ALK: variants seen among roughly 807,000 people sequenced by gnomAD.
The protein encoded by ALK is ALK receptor tyrosine kinase.
In ALK, 74 loss-of-function variants were observed where a neutral mutation model predicts 163.1. The ratio of observed to expected loss-of-function variants is 0.45; its 90% CI spans 0.38 to 0.55. ALK has a LOEUF of 0.55. Among genes scored for constraint, ALK ranks in the 20% least tolerant of loss-of-function variants. The pLI is 0.00. For synonymous variants in ALK, 960 were observed against 843.2 expected, an observed-to-expected ratio of 1.14 and a Z score of -2.40; for missense variants, 2,063 against 2,105.3, an observed-to-expected ratio of 0.98 and a Z score of 0.39.
chr2:29,537,980 T>C (rs1407353767), intron 3 of ALK, among the ~76,000 whole-genome samples: 1 of 152,244 alleles, frequency 6.6e-6, no homozygotes, highest in Non-Finnish European at 1.5e-5. Context: ...TTCTCCACTT[T>C]GGAACAAGAA....
chr2:29,575,801 T>A (rs1304858960), intron 3 of ALK, among the ~76,000 whole-genome samples: 1 of 152,220 alleles, frequency 6.6e-6, no homozygotes, highest in Non-Finnish European at 1.5e-5. Context: ...TGCAGTGCTG[T>A]GGCCCCAGCA....
At chr2:29,207,072 T>G in intron 26 of ALK, 99 bp downstream of exon 26, 1 of 894,282 alleles carries the variant, frequency 1.1e-6, no homozygotes, top group South Asian at 1.3e-5. Context: ...TTTCCCTCCC[T>G]ACTAACACAC....
chr2:29,779,029 G>A (rs770185143), intron 1 of ALK, among the ~76,000 whole-genome samples: 20 of 152,106 alleles, frequency 1.3e-4, no homozygotes, highest in Non-Finnish European at 2.4e-4. Flanking sequence ...GGTGGCGGGC[G>A]CCTGTAGTCC....
rs1165577510 is a variant in ALK at position 29,920,365 on chromosome 2, G to A, written c.295C>T (p.Leu99Phe). The A allele has an allele frequency of 1.9e-6, 3 of 1,555,742 alleles. No individual in the cohort carries two copies. The highest frequency in any genetic ancestry group is 2.4e-5 in the East Asian group (1 of 41,318). ...CCCGGCGCCGGCCCCAGCAACCTGA[G>A]CAGCGGGGCGCAGTCCAGAGCTAGC... is the stretch of plus-strand genomic sequence containing the variant. Reference protein sequence around the residue: ...GSLALDCAPLLRLLGPAPGVS... With the variant: ...GSLALDCAPLFRLLGPAPGVS... The change falls in exon 1 of 29, where the codon CTC becomes TTC. Residue 99 changes from leucine to phenylalanine, a missense_variant. Physicochemically the swap from Leu to Phe is conservative, Grantham distance 22 (BLOSUM62 0). Around this residue, in one of 5 missense-constraint regions of ALK, gnomAD observed 987 missense variants for 939.5 expected, o/e 1.05. Coordinates refer to ENST00000389048, the MANE Select transcript of ALK (RefSeq NM_004304.5).
At chr2:29,672,225 T>C (rs1677719168) in intron 3 of ALK, among the ~76,000 whole-genome samples, 2 of 152,008 alleles carry the variant, frequency 1.3e-5, no homozygotes, top group African/African-American at 4.8e-5. Context: ...GTGCACATTG[T>C]GCAGGTTAGT....
In ALK at chr2:29,891,495, A is replaced by G. The variant is rs987570007; in HGVS notation, c.667+28498T>C. 3.3e-5 allele frequency among the ~76,000 whole-genome samples: 5 copies of G among 152,326 alleles called. No homozygotes were observed. The South Asian group carries it at 1.0e-3, about 32-fold the overall frequency. The stretch of plus-strand genomic sequence containing the variant: ...CAAGCACTTCAGATGCCTTCTCTAC[A>G]CTTGTAAAATCATCATGGTCATAGA... On this transcript the variant is annotated intron_variant, in intron 1 of 28. Coordinates refer to ENST00000389048, the MANE Select transcript of ALK (RefSeq NM_004304.5).
At chr2:29,678,966 A>C (rs1407009387) in intron 3 of ALK, among the ~76,000 whole-genome samples, 5 of 151,796 alleles carry the variant, frequency 3.3e-5, no homozygotes, top group African/African-American at 9.7e-5. Flanking sequence ...TTTGGGAGTT[A>C]TTGAAATCTC....
Position 29,726,415 on chromosome 2 carries a change from C to T in ALK, c.668-8718G>A, listed in dbSNP as rs984778221. ...CACTAAATAATTAATATACTGAAAG[C>T]GATACAAAGACACAAAGACACAAAG... is the stretch of plus-strand genomic sequence containing the variant. On this transcript the variant is annotated intron_variant, in intron 1 of 28. Coordinates refer to ENST00000389048, the MANE Select transcript of ALK (RefSeq NM_004304.5). Among the ~76,000 whole-genome samples the T allele has an allele frequency of 2.6e-5, 4 of 152,224 alleles. 1 individual carries two copies. The highest frequency in any genetic ancestry group is 6.8e-3 in the Middle Eastern group (2 of 294).
At position 29,920,450 on chromosome 2, in the gene ALK, G is replaced by A. The variant is rs1572503722; in HGVS notation, c.210C>T (p.Asp70=). 6.2e-7 allele frequency: 1 copy of A among 1,611,086 alleles called. No individual in the cohort carries two copies. Among genetic ancestry groups the A allele is most frequent in the Non-Finnish European group, 8.5e-7 (1 of 1,178,966 alleles). ...VPSLFRVYAR[D]LLLPPSSSEL... is the part of the protein sequence containing the mutation. ...CCGAGGAGGATGGTGGCAGCAGTAG[G>A]TCCCGGGCGTAGACACGGAAGAGCG... The change falls in exon 1 of 29, where the codon GAC becomes GAT. Residue 70 remains aspartate, a synonymous_variant. Transcript: ENST00000389048.
intron 4 of ALK, among the ~76,000 whole-genome samples, chr2:29,431,735 C>T (rs144743734): frequency 1.1e-4 from 16 of 152,216 alleles, no homozygotes; most frequent in African/African-American, 3.9e-4. Flanking sequence ...TGGGGTTCCA[C>T]AAAGCTCCTG....
chr2:29,739,372 A>G (rs1001591672), intron 1 of ALK, among the ~76,000 whole-genome samples: 1 of 151,448 alleles, frequency 6.6e-6, no homozygotes, highest in African/African-American at 2.4e-5. Flanking sequence ...ATCCTGGCCA[A>G]CTTTGTGAAA....
At position 29,197,694 on chromosome 2, in the gene ALK, G is replaced by A. The variant is rs1213805336; in HGVS notation, c.3939-18C>T. 6.2e-7 allele frequency: 1 copy of A among 1,608,556 alleles called. No homozygotes were observed. Among genetic ancestry groups the A allele is most frequent in the Non-Finnish European group, 8.5e-7 (1 of 1,175,446 alleles). On this transcript the variant is annotated intron_variant, in intron 26 of 28. Coordinates refer to ENST00000389048, the MANE Select transcript of ALK (RefSeq NM_004304.5). ...CAAAGGACCTGGGCATGGGACAGAG[G>A]ACATGGAGATGGATATAGACACACC...
At chr2:29,494,106 AGATGTGTGGCTTAGATCCACCAATGT>A (rs1671966957) in intron 4 of ALK, among the ~76,000 whole-genome samples, 2 of 152,236 alleles carry the variant, frequency 1.3e-5, no homozygotes, top group Non-Finnish European at 2.9e-5. Context: ...TGGGAGGCTT[AGATGTGTGGCTTAGATCCACCAATGT>A]GATGGGTGGC....
intron 3 of ALK, among the ~76,000 whole-genome samples, chr2:29,648,237 A>G (rs1460140430): frequency 6.6e-6 from 1 of 152,158 alleles, no homozygotes; most frequent in African/African-American, 2.4e-5. Context: ...AATAATTTGA[A>G]AAATCAGTTA....
intron 26 of ALK, among the ~76,000 whole-genome samples, chr2:29,206,917 G>T (rs895069006): frequency 1.3e-5 from 2 of 152,194 alleles, no homozygotes; most frequent in Admixed American, 1.3e-4. Flanking sequence ...TGTTAGAAAT[G>T]CAAATTCTCA....
chr2:29,360,485 T>C (rs1047599103), intron 5 of ALK, among the ~76,000 whole-genome samples: 3 of 152,218 alleles, frequency 2.0e-5, no homozygotes, highest in African/African-American at 7.2e-5. Context: ...ACAAGGCTCG[T>C]CCTGCCCACG....
chr2:29,350,270 T>C (rs1573267365), intron 5 of ALK, among the ~76,000 whole-genome samples: 1 of 152,256 alleles, frequency 6.6e-6, no homozygotes, highest in South Asian at 2.1e-4. Flanking sequence ...GAAAATCTTG[T>C]GAATGTGAAG....
intron 4 of ALK, among the ~76,000 whole-genome samples, chr2:29,506,188 G>C (rs1360765712): frequency 6.6e-6 from 1 of 152,196 alleles, no homozygotes; most frequent in South Asian, 2.1e-4. Flanking sequence ...CCCTTGTACA[G>C]AGTTCTCAGA....
intron 23 of ALK, among the ~76,000 whole-genome samples, chr2:29,215,183 T>G (rs950031391): frequency 6.6e-6 from 1 of 152,198 alleles, no homozygotes; most frequent in Non-Finnish European, 1.5e-5. Context: ...GCTCTTCTTT[T>G]GAAGGGTGGG....
Sources: gnomAD v4.1 joint callset for allele counts (sites outside exome capture counted in the v4.1 genomes callset) on GRCh38, gnomAD v4.1.1 for gene constraint, gnomAD v4.1.1 regional missense constraint, MANE v1.5 for transcripts, NCBI Gene and HGNC (gene_info 2026-07-23, HGNC 2026-07-21) for gene names.